DOCK10: variants seen among roughly 807,000 people sequenced by gnomAD.
DOCK10 encodes dedicator of cytokinesis protein 10.
A neutral mutation model predicts 280.1 loss-of-function variants in DOCK10; 145 were observed. The observed-to-expected ratio is 0.52, with a 90% CI of 0.45 to 0.59. The LOEUF is 0.59. DOCK10 is among the 20% of genes least tolerant of loss of function. The pLI is 0.00. For synonymous variants in DOCK10, 915 were observed against 942.2 expected (o/e 0.97, Z 0.53); for missense variants, 2,368 against 2,651.7 (o/e 0.89, Z 2.35).
At chr2:224,789,240 T>TC (rs1233813188) in intron 47 of DOCK10, 70 bp from the exon 48 acceptor site, 4 of 901,252 alleles carry the variant, frequency 4.4e-6, no homozygotes, top group Non-Finnish European at 5.3e-6. Flanking sequence ...ATAATGCCTT[T>TC]CTTCATGATG....
At chr2:225,014,097 TG>T (rs199741430) in intron 1 of DOCK10, among the ~76,000 whole-genome samples, 619 of 60,198 alleles carry the variant, frequency 0.01, 7 homozygotes, top group African/African-American at 0.044. Flanking sequence ...TTTTTTTTTT[TG>T]TTTTTTTTTT....
chr2:224,803,038 A>G (rs2125190415), intron 39 of DOCK10, among the ~76,000 whole-genome samples: 1 of 152,188 alleles, frequency 6.6e-6, no homozygotes, highest in South Asian at 2.1e-4. Context: ...GGCTTTAGGC[A>G]TTTGGATTGG....
intron 8 of DOCK10, among the ~76,000 whole-genome samples, chr2:224,875,548 T>C (rs1302033766): frequency 6.6e-6 from 1 of 152,136 alleles, no homozygotes; most frequent in African/African-American, 2.4e-5. Context: ...AGAAAAAAAA[T>C]TTAATTTTAT....
chr2:224,984,830 A>C (rs1381522691), intron 1 of DOCK10, among the ~76,000 whole-genome samples: 1 of 140,120 alleles, frequency 7.1e-6, no homozygotes, highest in Non-Finnish European at 1.5e-5. Context: ...GTCATATGAC[A>C]CACAGGAAAC....
At chr2:225,014,081 A>ATATATTTTTTTT (rs776104946) in intron 1 of DOCK10, among the ~76,000 whole-genome samples, 3 of 96,820 alleles carry the variant, frequency 3.1e-5, no homozygotes, top group Admixed American at 1.1e-4. Flanking sequence ...GTCTGAATAT[A>ATATATTTTTTTT]TTGTTTTTTT....
rs1157597935 is a variant in DOCK10, at chr2:224,874,702, A to C, written c.981T>G (p.Asp327Glu). The change falls in exon 9 of 56, where the codon GAT (aspartate) becomes GAG (glutamate). Residue 327 changes from aspartate to glutamate, a missense_variant. Physicochemically the swap from Asp to Glu is conservative, Grantham distance 45 (BLOSUM62 2). Around this residue, in one of 2 missense-constraint regions of DOCK10, gnomAD observed 1,209 missense variants for 1,250.9 expected, o/e 0.97. Transcript: ENST00000258390. ...VTCECTPEET[D>E]SSENNLHADF... is the part of the protein sequence containing the mutation. ...CTGCGTGTAGGTTGTTCTCTGAAGAATCTGTTTCCTCTGGCGTGCATTCAC... is the reference window on the plus strand; with the variant it reads ...CTGCGTGTAGGTTGTTCTCTGAAGACTCTGTTTCCTCTGGCGTGCATTCAC... 10 of 1,613,868 alleles carry C rather than the reference A, an allele frequency of 6.2e-6. 1 individual carries two copies. In the Admixed American group the frequency reaches 1.5e-4, roughly 24 times the overall value.
intron 16 of DOCK10, among the ~76,000 whole-genome samples, chr2:224,853,458 A>G (rs974760308): frequency 1.3e-5 from 2 of 152,236 alleles, no homozygotes; most frequent in African/African-American, 4.8e-5. Context: ...GAAATAATCC[A>G]CCAATCTTTG....
In DOCK10 at chr2:224,792,251, T is replaced by A. The variant is rs1424788441; in HGVS notation, c.5311+723A>T. 3.9e-5 allele frequency among the ~76,000 whole-genome samples: 6 copies of A among 152,170 alleles called. No individual in the cohort carries two copies. In the East Asian group the frequency reaches 7.7e-4, roughly 20 times the overall value. ...AACATGCTGATTATAAAGTCCTACATATATAGAATATATATATGTATATAT... is the reference window on the plus strand; with the variant it reads ...AACATGCTGATTATAAAGTCCTACAAATATAGAATATATATATGTATATAT... On this transcript the variant is annotated intron_variant, in intron 47 of 55. Transcript: ENST00000258390.
chr2:224,887,805 A>C (rs1699397814), intron 4 of DOCK10, among the ~76,000 whole-genome samples: 1 of 152,204 alleles, frequency 6.6e-6, no homozygotes, highest in South Asian at 2.1e-4. Context: ...GAGCAGTAAA[A>C]TCTACTGATT....
In DOCK10 at chr2:225,006,407, T is replaced by C. The variant is rs139777655; in HGVS notation, c.123+35845A>G. ...CCCTTTTAATCAGGCTCTTATCTGCTAGGTAAACCTAATAAGTTCTGCTCC... is the reference window on the plus strand; with the variant it reads ...CCCTTTTAATCAGGCTCTTATCTGCCAGGTAAACCTAATAAGTTCTGCTCC... On this transcript the variant is annotated intron_variant, in intron 1 of 55. Coordinates refer to ENST00000258390, the MANE Select transcript of DOCK10 (RefSeq NM_014689.3). 2.0e-3 allele frequency among the ~76,000 whole-genome samples: 310 copies of C among 152,366 alleles called. 2 individuals are homozygous for C. Among genetic ancestry groups the C allele is most frequent in the East Asian group, 7.9e-3 (41 of 5,190 alleles).
In DOCK10 at chr2:224,876,138, ATCTGAC is replaced by A. The variant is rs1462769692; in HGVS notation, c.825_830del (p.Glu275_Ser276del). 2 of 1,613,814 alleles carry A rather than the reference ATCTGAC, an allele frequency of 1.2e-6. No individual in the cohort carries two copies. The highest frequency in any genetic ancestry group is 1.3e-5 in the African/African-American group (1 of 74,918). ...TGAGGGTGTGGATCCATTCATCCAT[ATCTGAC>A]TCTGTTTCAGCTGCCAGCACAAAAT... On this transcript the variant is annotated inframe_deletion, in exon 8 of 56. Coordinates refer to ENST00000258390, the MANE Select transcript of DOCK10 (RefSeq NM_014689.3).
rs1238612088 is a variant in DOCK10, at chr2:224,853,079, C to G, written c.1932G>C (p.Met644Ile). Residue 644 changes from methionine to isoleucine, a missense_variant, in exon 17 of 56, where the codon ATG (methionine) becomes ATC (isoleucine). Met to Ile is a conservative substitution (Grantham distance 10). This residue lies in a region of DOCK10 where 1,209 missense variants were observed against 1,250.9 expected (regional missense o/e 0.97). Coordinates refer to ENST00000258390, the MANE Select transcript of DOCK10 (RefSeq NM_014689.3). ...CCACTGTGGGTTCTGTTTGAGCCAT[C>G]ATGTTGAAAGGCTTGACAGGGATAA... is the stretch of plus-strand genomic sequence containing the variant. The part of the protein sequence containing the change: ...SSFIPVKPFN[M>I]MAQTEPTVEV... 2 of 1,607,946 alleles carry G rather than the reference C, an allele frequency of 1.2e-6. No homozygotes were observed. The highest frequency in any genetic ancestry group is 3.3e-5 in the Admixed American group (2 of 59,814).
intron 1 of DOCK10, among the ~76,000 whole-genome samples, chr2:224,990,831 G>A (rs1706107997): frequency 6.6e-6 from 1 of 152,142 alleles, no homozygotes; most frequent in Non-Finnish European, 1.5e-5. Flanking sequence ...CACTACTTTT[G>A]CAACATCAAC....
intron 24 of DOCK10, among the ~76,000 whole-genome samples, chr2:224,839,407 G>A (rs1369756197): frequency 8.6e-5 from 13 of 151,888 alleles, no homozygotes; most frequent in African/African-American, 1.2e-4. Context: ...GGGCCCAGCC[G>A]TTCATAGCAC....
intron 1 of DOCK10, among the ~76,000 whole-genome samples, chr2:225,014,783 A>G (rs887534390): frequency 4.6e-5 from 7 of 152,174 alleles, no homozygotes; most frequent in Non-Finnish European, 7.3e-5. Flanking sequence ...TTTTTAATAC[A>G]TTAGTTCTCT....
At chr2:224,820,103 A>T (rs1219780134) in intron 28 of DOCK10, among the ~76,000 whole-genome samples, 1 of 152,104 alleles carries the variant, frequency 6.6e-6, no homozygotes. Context: ...TTTAAATCTC[A>T]CTGGCCCCTT....
At chr2:224,916,605 G>T in intron 3 of DOCK10, 90 bp downstream of exon 3, 66 of 690,002 alleles carry the variant, frequency 9.6e-5, no homozygotes, top group Middle Eastern at 8.8e-4. Context: ...TATTGAAAAT[G>T]ACAGGAAGAT....
chr2:224,805,138 C>G lies in DOCK10; in HGVS notation c.4052-14G>C. 1 of 1,609,016 alleles carries G rather than the reference C, an allele frequency of 6.2e-7. No homozygotes were observed. Among genetic ancestry groups the G allele is most frequent in the South Asian group, 1.1e-5 (1 of 90,082 alleles). Reference sequence around the variant, plus strand: ...CAATCAGAGTCTCTAAAAGGAAACACCAGGTAGTATGAGAATCTGAAGGTT... The same window carrying G: ...CAATCAGAGTCTCTAAAAGGAAACAGCAGGTAGTATGAGAATCTGAAGGTT... On this transcript the variant is annotated splice_polypyrimidine_tract_variant and intron_variant, in intron 36 of 55. Transcript: ENST00000258390. The surrounding 1 kb of genome is among the most constrained non-coding windows in gnomAD (Gnocchi z 4.3).
At chr2:224,844,516 C>T (rs1696196419) in intron 22 of DOCK10, among the ~76,000 whole-genome samples, 2 of 152,196 alleles carry the variant, frequency 1.3e-5, no homozygotes, top group African/African-American at 4.8e-5. Context: ...TCCTATTAAA[C>T]ACACTTCTGG....
Sources: gnomAD v4.1 joint callset for allele counts (sites outside exome capture counted in the v4.1 genomes callset) on GRCh38, gnomAD v4.1.1 for gene constraint, gnomAD v4.1.1 regional missense constraint, Gnocchi (gnomAD v3.1) non-coding constraint, MANE v1.5 for transcripts, NCBI Gene and HGNC (gene_info 2026-07-23, HGNC 2026-07-21) for gene names.